The following ZNF385D variants were observed in gnomAD, a reference collection of about 807,000 sequenced individuals.
The protein encoded by ZNF385D is zinc finger protein 659.
Under a neutral mutation model 35.8 loss-of-function variants are expected in ZNF385D, and 15 were observed. That is an observed-to-expected ratio of 0.42 (90% CI 0.28 to 0.64). The LOEUF (loss-of-function observed/expected upper bound fraction) is 0.64, where lower values mean the gene tolerates loss of function less well. Among genes scored for constraint, ZNF385D ranks in the 30% least tolerant of loss-of-function variants. ZNF385D has a pLI of 0.23. For synonymous variants in ZNF385D, 212 were observed against 186.8 expected (o/e 1.13, Z -1.10); for missense variants, 474 against 494.6 (o/e 0.96, Z 0.39).
chr3:22,163,221 G>A (rs1419253142), intron 3 of ZNF385D, among the ~76,000 whole-genome samples: 4 of 152,118 alleles, frequency 2.6e-5, no homozygotes, highest in Admixed American at 1.3e-4. Flanking sequence ...TGACTGAGCT[G>A]GAGGGACTTT....
At chr3:21,932,194 A>AAAAAAAAAAAAT (rs1701047571) in intron 3 of ZNF385D, among the ~76,000 whole-genome samples, 10 of 140,808 alleles carry the variant, frequency 7.1e-5, no homozygotes, top group South Asian at 2.3e-4. Context: ...AAAAAAAAAA[A>AAAAAAAAAAAAT]GTGTGACTTG....
intron 3 of ZNF385D, among the ~76,000 whole-genome samples, chr3:21,874,664 GA>G (rs1196185872): frequency 6.6e-6 from 1 of 152,046 alleles, no homozygotes; most frequent in Non-Finnish European, 1.5e-5. Context: ...TCAAAATCAG[GA>G]AATGTGAGGT....
At chr3:21,681,578 T>A (rs2125314381) in intron 1 of ZNF385D, among the ~76,000 whole-genome samples, 1 of 150,716 alleles carries the variant, frequency 6.6e-6, no homozygotes, top group African/African-American at 2.4e-5. Context: ...TACATCACAG[T>A]TAAAGTGGGT....
At chr3:22,291,065 C>T (rs2125397437) in intron 2 of ZNF385D, among the ~76,000 whole-genome samples, 1 of 152,198 alleles carries the variant, frequency 6.6e-6, no homozygotes, top group South Asian at 2.1e-4. Context: ...CCAAAGGCTC[C>T]ATCTAAAATA....
chr3:22,344,657 A>C (rs1695576360), intron 2 of ZNF385D, among the ~76,000 whole-genome samples: 1 of 152,040 alleles, frequency 6.6e-6, no homozygotes, highest in Admixed American at 6.6e-5. Context: ...CCTGGGCTCT[A>C]GTGTTCTGCC....
chr3:22,301,003 G>T (rs1702870882), intron 2 of ZNF385D, among the ~76,000 whole-genome samples: 1 of 151,972 alleles, frequency 6.6e-6, no homozygotes, highest in African/African-American at 2.4e-5. Context: ...CTTTGCAGAT[G>T]TACTCACAAT....
At chr3:22,215,055 C>G (rs1255058716) in intron 2 of ZNF385D, among the ~76,000 whole-genome samples, 1 of 151,904 alleles carries the variant, frequency 6.6e-6, no homozygotes, top group Non-Finnish European at 1.5e-5. Flanking sequence ...TGTACTCTGT[C>G]CCTTTATTTC....
intron 4 of ZNF385D, among the ~76,000 whole-genome samples, chr3:21,440,195 C>CT (rs1701787299): frequency 6.6e-6 from 1 of 152,014 alleles, no homozygotes; most frequent in South Asian, 2.1e-4. Flanking sequence ...AAGAAGTTTA[C>CT]TTTAATATGG....
At chr3:22,034,929 T>C (rs369932956) in intron 3 of ZNF385D, among the ~76,000 whole-genome samples, 14 of 152,300 alleles carry the variant, frequency 9.2e-5, no homozygotes, top group Admixed American at 5.9e-4. Flanking sequence ...ATAATAGTAT[T>C]TCATGATTTA....
At chr3:21,627,246 GGTGTGTGTGTGTGTGTGTGTGT>G (rs55918045) in intron 2 of ZNF385D, among the ~76,000 whole-genome samples, 28 of 139,500 alleles carry the variant, frequency 2.0e-4, no homozygotes, top group South Asian at 4.8e-4. Flanking sequence ...AGAGGTGTAG[GGTGTGTGTGTGTGTGTGTGTGT>G]GTGTGTGTGT....
chr3:22,087,678 A>G (rs1456778383), intron 3 of ZNF385D, among the ~76,000 whole-genome samples: 1 of 152,200 alleles, frequency 6.6e-6, no homozygotes, highest in African/African-American at 2.4e-5. Context: ...AAACAAGAAT[A>G]AACTTCAACT....
intron 3 of ZNF385D, among the ~76,000 whole-genome samples, chr3:21,986,663 T>G (rs1044032282): frequency 5.6e-5 from 8 of 142,398 alleles, no homozygotes; most frequent in African/African-American, 1.7e-4. Context: ...GGGTGGAGAG[T>G]TCTGTAGATG....
Position 21,848,689 on chromosome 3 carries a change from G to C in ZNF385D, c.326-183661C>G, listed in dbSNP as rs185377919. 1.9e-4 allele frequency among the ~76,000 whole-genome samples: 29 copies of C among 152,058 alleles called. No individual in the cohort carries two copies. In the East Asian group the frequency reaches 5.6e-3, roughly 30 times the overall value. ...CAACCTACCAAGACAGAATCGTAAAGAAATAGAATGCCTGAATAGTCGTAT... is the reference window on the plus strand; with the variant it reads ...CAACCTACCAAGACAGAATCGTAAACAAATAGAATGCCTGAATAGTCGTAT... On this transcript the variant is annotated intron_variant, in intron 3 of 5. Coordinates refer to the ZNF385D transcript ENST00000494108.
intron 3 of ZNF385D, among the ~76,000 whole-genome samples, chr3:21,939,329 A>G (rs763900027): frequency 9.2e-5 from 14 of 152,104 alleles, no homozygotes; most frequent in Non-Finnish European, 2.1e-4. Flanking sequence ...TATTTTCTTC[A>G]TTTTAGGGAA....
In ZNF385D at chr3:21,533,173, A is replaced by G. The variant is rs529609176; in HGVS notation, c.277-22150T>C. ...AAAGAGCAGGTGGCCCTCGCTTTGT[A>G]GGCTGCAGCTCTAAATCTTCCCAAT... On this transcript the variant is annotated intron_variant, in intron 3 of 7. Transcript: ENST00000281523. Among the ~76,000 whole-genome samples, 5 of 152,274 alleles carry G rather than the reference A, an allele frequency of 3.3e-5. 1 individual carries two copies. Among genetic ancestry groups the G allele is most frequent in the African/African-American group, 1.2e-4 (5 of 41,570 alleles).
intron 3 of ZNF385D, among the ~76,000 whole-genome samples, chr3:21,871,443 A>G (rs569347114): frequency 3.3e-5 from 5 of 152,268 alleles, no homozygotes; most frequent in South Asian, 4.1e-4. Flanking sequence ...TCAGTCCACT[A>G]AAGTGTAAAC....
chr3:21,447,151 A>G (rs761879367), intron 4 of ZNF385D, among the ~76,000 whole-genome samples: 4 of 152,220 alleles, frequency 2.6e-5, no homozygotes, highest in Non-Finnish European at 5.9e-5. Flanking sequence ...TGTACATACA[A>G]CTGATAAGCA....
chr3:21,866,309 C>G (rs1213942864), intron 3 of ZNF385D, among the ~76,000 whole-genome samples: 2 of 151,974 alleles, frequency 1.3e-5, no homozygotes, highest in African/African-American at 2.4e-5. Flanking sequence ...AAAAAATTAG[C>G]TGGGCATGGT....
chr3:22,299,107 C>T (rs115634197), intron 2 of ZNF385D, among the ~76,000 whole-genome samples: 396 of 151,994 alleles, frequency 2.6e-3, no homozygotes, highest in Non-Finnish European at 4.7e-3. Context: ...TCCCAAGTTG[C>T]TTTCAGGTTT....
Sources: allele counts gnomAD v4.1 joint callset (sites outside exome capture counted in the v4.1 genomes callset), GRCh38; gene constraint gnomAD v4.1.1; transcripts MANE v1.5; gene names NCBI Gene and HGNC (gene_info 2026-07-23, HGNC 2026-07-21).